The following IFI16 variants were observed in gnomAD, a reference collection of about 807,000 sequenced individuals.
IFI16 encodes interferon gamma inducible protein 16, also known as gamma-interferon-inducible protein 16.
Under a neutral mutation model 68.4 loss-of-function variants are expected in IFI16, and 49 were observed. The observed-to-expected ratio is 0.72, with a 90% CI of 0.57 to 0.91. IFI16 has a LOEUF of 0.91. IFI16 is among the 40% of genes least tolerant of loss of function. The pLI is 0.00. For missense variants in IFI16, 878 were observed against 942.9 expected (o/e 0.93, Z 0.90); for synonymous variants, 307 against 315.0 (o/e 0.97, Z 0.27).
At chr1:159,008,799 A>G (rs577315882), upstream of IFI16, among the ~76,000 whole-genome samples, 7 of 152,314 alleles carry the variant, frequency 4.6e-5, no homozygotes, top group Admixed American at 3.3e-4. Flanking sequence ...AGTTATTCAT[A>G]TGGTTTCAAA....
chr1:159,041,041 A>G (rs533358624), intron 7 of IFI16, among the ~76,000 whole-genome samples: 11 of 152,334 alleles, frequency 7.2e-5, no homozygotes, highest in Non-Finnish European at 1.0e-4. Context: ...GAGAGTGGCC[A>G]GAGGCTGTTC....
chr1:159,004,298 A>T (rs117443082), upstream of IFI16, among the ~76,000 whole-genome samples: 166 of 151,962 alleles, frequency 1.1e-3, 3 homozygotes, highest in East Asian at 0.029. Context: ...ACATGGCAAG[A>T]CCTTATCTCC....
At chr1:159,051,451 T>A (rs902244918) in intron 9 of IFI16, among the ~76,000 whole-genome samples, 20 of 152,226 alleles carry the variant, frequency 1.3e-4, no homozygotes, top group African/African-American at 4.3e-4. Flanking sequence ...ATATTCTTCC[T>A]TCCACTCTCA....
chr1:159,016,792 T>C, intron 4 of IFI16, 92 bp downstream of exon 4: 1 of 1,168,776 alleles, frequency 8.6e-7, no homozygotes, highest in South Asian at 1.4e-5. Flanking sequence ...CATCGATAAT[T>C]TGCTAGTTAA....
chr1:159,021,938 C>G (rs529148548), intron 6 of IFI16, among the ~76,000 whole-genome samples: 46 of 122,752 alleles, frequency 3.7e-4, no homozygotes, highest in Middle Eastern at 0.011. Flanking sequence ...AGCCCTTAGC[C>G]CTTTTTTTTT....
upstream of IFI16, chr1:159,005,897 A>C (rs1387913950): frequency 6.6e-6 from 1 of 152,518 alleles, no homozygotes; most frequent in Non-Finnish European, 1.5e-5. Flanking sequence ...GGCCTAAGGC[A>C]CTATCGGTAT....
intron 6 of IFI16, among the ~76,000 whole-genome samples, chr1:159,029,902 A>G (rs1102950): frequency 0.98 from 149,652 of 152,034 alleles, 73,703 homozygotes; most frequent in Middle Eastern, 1. Context: ...GGCTGGTCTC[A>G]TACTCCTGAC....
In IFI16 at chr1:159,045,472, T is replaced by G. The variant is rs377685715; in HGVS notation, c.1497+8T>G. On this transcript the variant is annotated splice_region_variant and intron_variant, in intron 8 of 11. Coordinates refer to ENST00000295809, the MANE Select transcript of IFI16 (RefSeq NM_001376587.1). The stretch of plus-strand genomic sequence containing the variant: ...AGCAGTTTCTTAACCACGGTACAAG[T>G]TCCCTCTTCCCAATACATTCCCCTC... 1.4e-5 allele frequency: 22 copies of G among 1,604,116 alleles called. No individual in the cohort carries two copies. The African/African-American group carries it at 2.7e-4, about 20-fold the overall frequency.
chr1:159,051,667 C>CT lies in IFI16; in HGVS notation c.1666-11dup, dbSNP rs772838575. The CT allele has an allele frequency of 1.2e-6, 2 of 1,601,832 alleles. No homozygotes were observed. Among genetic ancestry groups the CT allele is most frequent in the South Asian group, 2.2e-5 (2 of 90,130 alleles). On this transcript the variant is annotated splice_polypyrimidine_tract_variant and intron_variant, in intron 9 of 11. Coordinates refer to ENST00000295809, the MANE Select transcript of IFI16 (RefSeq NM_001376587.1). ...TTTAATTGTGCCTATGTTTTGGTCT[C>CT]TACCTTCTAAGTTGAAACCAAGACT...
chr1:159,033,100 A>G (rs972376103), intron 7 of IFI16, among the ~76,000 whole-genome samples: 2 of 151,944 alleles, frequency 1.3e-5, no homozygotes, highest in African/African-American at 4.8e-5. Context: ...CCCCCATTAC[A>G]TATTTTGACA....
At chr1:159,046,677 C>A (rs1213649488) in intron 8 of IFI16, among the ~76,000 whole-genome samples, 1 of 150,986 alleles carries the variant, frequency 6.6e-6, no homozygotes, top group East Asian at 1.9e-4. Flanking sequence ...GGTTTTGATA[C>A]TTCCTTTGAT....
At chr1:159,001,151 T>C (rs1652044670), upstream of IFI16, among the ~76,000 whole-genome samples, 1 of 152,234 alleles carries the variant, frequency 6.6e-6, no homozygotes, top group Non-Finnish European at 1.5e-5. Flanking sequence ...TAGAACTACA[T>C]ATTGTCCCAT....
At chr1:159,035,641 T>TC (rs66918152) in intron 7 of IFI16, among the ~76,000 whole-genome samples, 150,319 of 152,280 alleles carry the variant, frequency 0.99, 74,218 homozygotes, top group East Asian at 1. Flanking sequence ...TCCTAGTGAC[T>TC]CGCAGGTGAG....
chr1:159,022,019 A>T (rs551106490), intron 6 of IFI16, among the ~76,000 whole-genome samples: 1 of 120,164 alleles, frequency 8.3e-6, no homozygotes, highest in African/African-American at 3.2e-5. Context: ...GCGGGAGTGC[A>T]GTGGCGCTAT....
chr1:159,025,601 GA>G, intron 6 of IFI16, among the ~76,000 whole-genome samples: 1 of 152,066 alleles, frequency 6.6e-6, no homozygotes, highest in Non-Finnish European at 1.5e-5. Context: ...CATAGTTTGT[GA>G]ATATTTTCTC....
rs1216786050 is a variant in IFI16, at chr1:159,020,430, C to A, written c.1062C>A (p.Ile354=). Residue 354 remains isoleucine (I), a synonymous_variant, in exon 6 of 12, where the codon ATC becomes ATA. Coordinates refer to ENST00000295809, the MANE Select transcript of IFI16 (RefSeq NM_001376587.1). ...TGGGGACAGGACAATGTCACAATAT[C>A]CCCTGTGAAGAAGGAGATAAGCTCC... is the stretch of plus-strand genomic sequence containing the variant. The part of the protein sequence containing the change: ...DVVGTGQCHN[I]PCEEGDKLQL... 8.1e-6 allele frequency: 13 copies of A among 1,611,574 alleles called. No individual in the cohort carries two copies. Among genetic ancestry groups the A allele is most frequent in the South Asian group, 2.2e-5 (2 of 90,992 alleles).
chr1:159,049,315 C>G, intron 8 of IFI16, 117 bp from the exon 9 acceptor site: 3 of 593,394 alleles, frequency 5.1e-6, no homozygotes, highest in Non-Finnish European at 8.8e-6. Context: ...CAGGGAAAAA[C>G]AGAGAAACTG....
At chr1:159,013,935 G>A (rs551215181) in intron 1 of IFI16, among the ~76,000 whole-genome samples, 36 of 152,180 alleles carry the variant, frequency 2.4e-4, no homozygotes, top group Non-Finnish European at 3.7e-4. Flanking sequence ...TATAAATGTG[G>A]CTTATCGAGA....
At chr1:159,013,046 A>T in intron 1 of IFI16, among the ~76,000 whole-genome samples, 1 of 151,142 alleles carries the variant, frequency 6.6e-6, no homozygotes, top group East Asian at 1.9e-4. Context: ...AGGCTTACAG[A>T]GTATTTTTGT....
Sources: gnomAD v4.1 joint callset for allele counts (sites outside exome capture counted in the v4.1 genomes callset) on GRCh38, gnomAD v4.1.1 for gene constraint, MANE v1.5 for transcripts, NCBI Gene and HGNC (gene_info 2026-07-23, HGNC 2026-07-21) for gene names.